The following SMARCA2 variants were observed in gnomAD, a reference collection of about 807,000 sequenced individuals.
SMARCA2 encodes the protein SWI/SNF related BAF chromatin remodeling complex subunit ATPase 2.
A neutral mutation model predicts 199.8 loss-of-function variants in SMARCA2; 61 were observed. The ratio of observed to expected loss-of-function variants is 0.31; its 90% confidence interval spans 0.25 to 0.38. The LOEUF (loss-of-function observed/expected upper bound fraction) is 0.38. SMARCA2 is among the 10% of genes least tolerant of loss of function. SMARCA2 has a pLI of 1.00. For missense variants in SMARCA2, 1,344 were observed against 2,012.2 expected (o/e 0.67, Z 6.35); for synonymous variants, 935 against 732.0 (o/e 1.28, Z -4.48).
Position 2,039,604 on chromosome 9 carries a change from G to A in SMARCA2, c.494G>A (p.Ser165Asn). The change falls in exon 4 of 34, where the codon AGC (serine) becomes AAC (asparagine). Residue 165 changes from serine to asparagine, a missense_variant. Physicochemically the swap from Ser to Asn is conservative, Grantham distance 46 (BLOSUM62 1). Coordinates refer to ENST00000349721, the MANE Select transcript of SMARCA2 (RefSeq NM_003070.5). This position sits in a 1 kb window ranked among gnomAD's most constrained non-coding sequence, Gnocchi z 4.8. ...ALIPGDPQAM[S>N]QPNRGPSPFS... is the part of the protein sequence containing the mutation. The stretch of plus-strand genomic sequence containing the variant: ...ATCCCAGGTGATCCGCAGGCCATGA[G>A]CCAGCCCAACAGAGGTCCCTCACCT... The A allele has an allele frequency of 1.2e-6, 2 of 1,614,180 alleles. No homozygotes were observed. The highest frequency in any genetic ancestry group is 1.7e-6 in the Non-Finnish European group (2 of 1,180,042).
At chr9:2,142,832 T>C (rs1824529802) in intron 27 of SMARCA2, among the ~76,000 whole-genome samples, 1 of 152,130 alleles carries the variant, frequency 6.6e-6, no homozygotes, top group Admixed American at 6.5e-5. Context: ...TTAGAACGCG[T>C]TTCCCTAGCA....
At chr9:2,150,872 TC>T (rs1825028746) in intron 27 of SMARCA2, among the ~76,000 whole-genome samples, 1 of 151,442 alleles carries the variant, frequency 6.6e-6, no homozygotes, top group Admixed American at 6.6e-5. Flanking sequence ...GCGGGGTTGT[TC>T]CTCTATGTGC....
rs112725140 is a variant in SMARCA2, at chr9:2,085,104, T to C, written c.2526+908T>C. On this transcript the variant is annotated intron_variant, in intron 17 of 33. Coordinates refer to ENST00000349721, the MANE Select transcript of SMARCA2 (RefSeq NM_003070.5). ...CTCTGGGAACTGAGAGTTCCCTTCA[T>C]GGCATCATAGGAAATAACAAAAAGG... Among the ~76,000 whole-genome samples the C allele has an allele frequency of 8.1e-3, 1,236 of 152,284 alleles. 13 individuals are homozygous for C. Among genetic ancestry groups the C allele is most frequent in the African/African-American group, 0.028 (1,172 of 41,550 alleles).
intron 29 of SMARCA2, among the ~76,000 whole-genome samples, chr9:2,180,323 GC>G (rs1336417755): frequency 6.6e-6 from 1 of 152,088 alleles, no homozygotes; most frequent in Non-Finnish European, 1.5e-5. Context: ...ATTTATGCAG[GC>G]CTCTTTGCAC....
chr9:2,129,190 G>A (rs917603639), intron 27 of SMARCA2, among the ~76,000 whole-genome samples: 9 of 152,100 alleles, frequency 5.9e-5, no homozygotes, highest in South Asian at 4.2e-4. Context: ...AGGGCGAGGC[G>A]GGTGGAACAT....
chr9:2,176,190 T>TTTTTTTGTTTTTTTTTTTTTG (rs1826587945), intron 29 of SMARCA2, among the ~76,000 whole-genome samples: 3 of 135,924 alleles, frequency 2.2e-5, no homozygotes, highest in African/African-American at 1.0e-4. Context: ...CTGTTTTTTT[T>TTTTTTTGTTTTTTTTTTTTTG]TTTTTTTTTT....
intron 19 of SMARCA2, among the ~76,000 whole-genome samples, chr9:2,091,466 T>C (rs1822059706): frequency 6.6e-6 from 1 of 152,246 alleles, no homozygotes; most frequent in South Asian, 2.1e-4. Context: ...TTTTTATTGT[T>C]GAATAATATT....
chr9:2,168,397 T>A (rs1337606447), intron 28 of SMARCA2, among the ~76,000 whole-genome samples: 1 of 152,238 alleles, frequency 6.6e-6, no homozygotes, highest in Admixed American at 6.5e-5. Context: ...TTAATTCCTA[T>A]ACACACTGAA....
At chr9:2,087,296 G>T in intron 18 of SMARCA2, 1 of 543,234 alleles carries the variant, frequency 1.8e-6, no homozygotes. Context: ...TTTGTCTTTT[G>T]CCAGCATGTT....
At chr9:2,179,478 C>T (rs190532006) in intron 29 of SMARCA2, among the ~76,000 whole-genome samples, 146 of 152,242 alleles carry the variant, frequency 9.6e-4, no homozygotes, top group Non-Finnish European at 1.6e-3. Flanking sequence ...ACAGTATTGG[C>T]CCCAAGTCTC....
chr9:2,161,782 G>A lies in SMARCA2; in HGVS notation c.4078G>A (p.Asp1360Asn). 2 of 1,614,070 alleles carry A rather than the reference G, an allele frequency of 1.2e-6. No individual in the cohort carries two copies. The highest frequency in any genetic ancestry group is 1.7e-6 in the Non-Finnish European group (2 of 1,179,958). The stretch of plus-strand genomic sequence containing the variant: ...TGTGGATAAAGATCCTGCAAAAGAA[G>A]ATGTGGAAAAAGCTAAGAAGAGAAG... The part of the protein sequence containing the change: ...RNVDKDPAKE[D>N]VEKAKKRRGR... The change falls in exon 28 of 34, where the codon GAT (aspartate) becomes AAT (asparagine). Residue 1360 changes from aspartate (D) to asparagine (N), a missense_variant. Transcript: ENST00000349721. This position sits in a 1 kb window ranked among gnomAD's most constrained non-coding sequence, Gnocchi z 4.7.
At position 2,161,130 on chromosome 9, in the gene SMARCA2, C is replaced by G. The variant is rs1825650160; in HGVS notation, c.3982-556C>G. ...CCAAGGAATGTGGCTTTGTACTTTC[C>G]CGTTTCCTTGTTTACTAATTGCCAC... On this transcript the variant is annotated intron_variant, in intron 27 of 33. Coordinates refer to ENST00000349721, the MANE Select transcript of SMARCA2 (RefSeq NM_003070.5). The surrounding 1 kb of genome is among the most constrained non-coding windows in gnomAD (Gnocchi z 4.7). 6.4e-6 allele frequency: 1 copy of G among 155,070 alleles called. No individual in the cohort carries two copies. Among genetic ancestry groups the G allele is most frequent in the Admixed American group, 6.4e-5 (1 of 15,658 alleles). 9.6% of individuals were successfully genotyped at this position (155,070 alleles called of 1,614,324 possible). A position where few individuals can be genotyped will look rare whatever the true frequency, so the allele number is the denominator to read the frequency against.
At chr9:2,138,896 G>C (rs1017093148) in intron 27 of SMARCA2, among the ~76,000 whole-genome samples, 1 of 152,142 alleles carries the variant, frequency 6.6e-6, no homozygotes, top group Non-Finnish European at 1.5e-5. Flanking sequence ...ACTCAGAGGG[G>C]TGTGGGTGAG....
At chr9:2,132,725 C>T (rs928045352) in intron 27 of SMARCA2, among the ~76,000 whole-genome samples, 1 of 152,138 alleles carries the variant, frequency 6.6e-6, no homozygotes, top group Non-Finnish European at 1.5e-5. Context: ...TGGGTTTTGC[C>T]AAATTCCAAG....
Position 2,097,407 on chromosome 9 carries a change from T to G in SMARCA2, c.3014T>G (p.Leu1005Arg). 1 of 1,611,068 alleles carries G rather than the reference T, an allele frequency of 6.2e-7. No individual in the cohort carries two copies. The highest frequency in any genetic ancestry group is 8.5e-7 in the Non-Finnish European group (1 of 1,177,730). ...TAGGGGAAAGGAGGTGCTAAGACACTTATGAACACTATTATGCAGTTGAGA... is the reference window on the plus strand; with the variant it reads ...TAGGGGAAAGGAGGTGCTAAGACACGTATGAACACTATTATGCAGTTGAGA... ...DKKGKGGAKTLMNTIMQLRKI... is the reference protein window; with the variant it reads ...DKKGKGGAKTRMNTIMQLRKI... The change falls in exon 21 of 34, where the codon CTT (leucine) becomes CGT (arginine). Residue 1005 changes from leucine to arginine, a missense_variant. Physicochemically the swap from Leu to Arg is moderately radical, Grantham distance 102. This residue lies in a region of SMARCA2 where 98 missense variants were observed against 245.6 expected (regional missense o/e 0.40). Coordinates refer to ENST00000349721, the MANE Select transcript of SMARCA2 (RefSeq NM_003070.5).
chr9:2,077,757 G>C lies in SMARCA2; in HGVS notation c.2165G>C (p.Gly722Ala). The C allele has an allele frequency of 6.2e-7, 1 of 1,611,716 alleles. No homozygotes were observed. The highest frequency in any genetic ancestry group is 8.5e-7 in the Non-Finnish European group (1 of 1,178,944). The change falls in exon 14 of 34, where the codon GGG becomes GCG. Residue 722 changes from glycine (G) to alanine (A), a missense_variant. This residue lies in a region of SMARCA2 where 106 missense variants were observed against 179.7 expected (regional missense o/e 0.59). Transcript: ENST00000349721. ...AAACAGTCTGCCCTCCTAATTAATGGGACCCTAAAGCATTACCAGGTAATT... is the reference window on the plus strand; with the variant it reads ...AAACAGTCTGCCCTCCTAATTAATGCGACCCTAAAGCATTACCAGGTAATT... ...VEKQSALLIN[G>A]TLKHYQLQGL...
intron 27 of SMARCA2, among the ~76,000 whole-genome samples, chr9:2,133,312 T>C (rs1190781697): frequency 2.0e-5 from 3 of 152,242 alleles, no homozygotes; most frequent in Non-Finnish European, 4.4e-5. Flanking sequence ...GCTTTTTTAC[T>C]TTATTTTTTT....
intron 29 of SMARCA2, among the ~76,000 whole-genome samples, chr9:2,171,589 C>T (rs1011183544): frequency 3.3e-5 from 5 of 152,286 alleles, no homozygotes; most frequent in East Asian, 3.9e-4. Flanking sequence ...CTATAATGTC[C>T]ATTGAGAAAC....
At chr9:2,116,405 T>G (rs547010241) in intron 25 of SMARCA2, among the ~76,000 whole-genome samples, 1 of 152,284 alleles carries the variant, frequency 6.6e-6, no homozygotes, top group East Asian at 1.9e-4. Flanking sequence ...AAGACATAAA[T>G]GGAAGGGGTC....
Sources: gnomAD v4.1 joint callset for allele counts (sites outside exome capture counted in the v4.1 genomes callset) on GRCh38, gnomAD v4.1.1 for gene constraint, gnomAD v4.1.1 regional missense constraint, Gnocchi (gnomAD v3.1) non-coding constraint, MANE v1.5 for transcripts, NCBI Gene and HGNC (gene_info 2026-07-23, HGNC 2026-07-21) for gene names.